Variants in ZFP90 observed in about 807,000 individuals in gnomAD.
ZFP90 encodes ZFP90 zinc finger protein, also known as zinc finger protein 90 homolog.
In ZFP90, 38 loss-of-function variants were observed where a neutral mutation model predicts 60.8. The observed-to-expected ratio is 0.62, with a 90% CI of 0.48 to 0.82. The LOEUF (loss-of-function observed/expected upper bound fraction) is 0.82. Ranked by LOEUF, ZFP90 falls within the 40% of genes least tolerant of loss-of-function variation. ZFP90 has a pLI of 0.00. For missense variants in ZFP90, 711 were observed against 759.1 expected (o/e 0.94, Z 0.74); for synonymous variants, 287 against 264.8 (o/e 1.08, Z -0.82).
intron 3 of ZFP90, 99 bp downstream of exon 3, chr16:68,558,223 G>T: frequency 6.5e-7 from 1 of 1,531,636 alleles, no homozygotes; most frequent in Non-Finnish European, 8.9e-7. Flanking sequence ...TGTGACCAGG[G>T]TGCTCAGGGG....
At chr16:68,549,492 A>G (rs1188482231) in intron 2 of ZFP90, among the ~76,000 whole-genome samples, 3 of 152,012 alleles carry the variant, frequency 2.0e-5, no homozygotes, top group East Asian at 1.9e-4. Flanking sequence ...CCTGGCTAAC[A>G]TGGTGAAACC....
At chr16:68,535,067 C>G (rs1375028626), upstream of ZFP90, among the ~76,000 whole-genome samples, 1 of 152,124 alleles carries the variant, frequency 6.6e-6, no homozygotes, top group Non-Finnish European at 1.5e-5. Flanking sequence ...GTTTGTGATT[C>G]ATGGCTGTGA....
At chr16:68,560,537 T>TTGATTTTGTTTGTTTGTTTA (rs149308667) in intron 4 of ZFP90, among the ~76,000 whole-genome samples, 84 of 147,228 alleles carry the variant, frequency 5.7e-4, no homozygotes, top group African/African-American at 1.7e-3. Flanking sequence ...CCACACTGGA[T>TTGATTTTGTTTGTTTGTTTA]TTTATTTATT....
At chr16:68,533,552 C>A (rs1415704131) in intron 1 of ZFP90, 2 of 152,238 alleles carry the variant, frequency 1.3e-5, no homozygotes, top group Non-Finnish European at 2.9e-5. Context: ...AGACACCCAA[C>A]TTTAATGAGT....
intron 2 of ZFP90, among the ~76,000 whole-genome samples, chr16:68,573,364 GCA>G (rs1322653764): frequency 1.3e-5 from 2 of 152,206 alleles, no homozygotes; most frequent in African/African-American, 4.8e-5. Context: ...AGGTGCAGTG[GCA>G]CACTTAAAAT....
upstream of ZFP90, among the ~76,000 whole-genome samples, chr16:68,536,041 G>A (rs375138730): frequency 1.5e-4 from 23 of 152,234 alleles, no homozygotes; most frequent in African/African-American, 4.6e-4. Flanking sequence ...TGTGAACTGC[G>A]CACCTTTCCC....
At chr16:68,570,788 CT>C (rs924644923), downstream of ZFP90, among the ~76,000 whole-genome samples, 11 of 151,020 alleles carry the variant, frequency 7.3e-5, no homozygotes, top group African/African-American at 2.2e-4. Flanking sequence ...CACAGTGACC[CT>C]TTTTTTTTCA....
intron 3 of ZFP90, 52 bp from the exon 4 acceptor site, chr16:68,558,421 T>C (rs2091382098): frequency 6.5e-7 from 1 of 1,549,470 alleles, no homozygotes. Flanking sequence ...TTAGGAGGGT[T>C]CTTTGTCCAC....
intron 1 of ZFP90, 78 bp from the exon 2 acceptor site, chr16:68,539,680 G>T: frequency 8.4e-7 from 1 of 1,193,374 alleles, no homozygotes; most frequent in Non-Finnish European, 1.1e-6. Flanking sequence ...TGTGGTTTAG[G>T]GGCGGAGGTG....
chr16:68,538,121 A>G (rs912844551), upstream of ZFP90, among the ~76,000 whole-genome samples: 3 of 152,078 alleles, frequency 2.0e-5, no homozygotes, highest in Non-Finnish European at 2.9e-5. Flanking sequence ...CATGTTGGTC[A>G]GGCTGGTCTC....
Position 68,563,825 on chromosome 16 carries a change from C to T in ZFP90, c.1038C>T (p.Ser346=), listed in dbSNP as rs750584897. 6.2e-7 allele frequency: 1 copy of T among 1,613,816 alleles called. No individual in the cohort carries two copies. Among genetic ancestry groups the T allele is most frequent in the Non-Finnish European group, 8.5e-7 (1 of 1,179,970 alleles). ...ATCGATGTAATCTATGTGGGAGGTC[C>T]TTTAGGCATGGCACATCCCTCACTC... ...KPYRCNLCGR[S]FRHGTSLTQH... is the part of the protein sequence containing the mutation. The change falls in exon 5 of 5, where the codon TCC becomes TCT. Residue 346 remains serine (S), a synonymous_variant. Transcript: ENST00000563169.
intron 2 of ZFP90, among the ~76,000 whole-genome samples, chr16:68,541,271 C>G (rs1225919927): frequency 5.3e-5 from 8 of 152,166 alleles, no homozygotes; most frequent in African/African-American, 1.2e-4. Flanking sequence ...CTCCTGACGT[C>G]AATTGATCCG....
chr16:68,556,817 C>T (rs889907640), intron 2 of ZFP90, among the ~76,000 whole-genome samples: 13 of 152,118 alleles, frequency 8.5e-5, no homozygotes, highest in Non-Finnish European at 1.5e-4. Context: ...GCTAAGACAG[C>T]CTTCCCGAGG....
intron 2 of ZFP90, among the ~76,000 whole-genome samples, chr16:68,548,032 G>A (rs993280358): frequency 2.0e-5 from 3 of 152,048 alleles, no homozygotes; most frequent in South Asian, 2.1e-4. Flanking sequence ...TCACCATGTC[G>A]GTCAGGCTGG....
chr16:68,542,057 T>G (rs2091059638), intron 2 of ZFP90, among the ~76,000 whole-genome samples: 1 of 152,164 alleles, frequency 6.6e-6, no homozygotes, highest in African/African-American at 2.4e-5. Context: ...GGCAGAAATT[T>G]CCCTTTAGCA....
At chr16:68,538,989 C>T (rs1300742021), upstream of ZFP90, among the ~76,000 whole-genome samples, 1 of 152,192 alleles carries the variant, frequency 6.6e-6, no homozygotes, top group Non-Finnish European at 1.5e-5. Flanking sequence ...GACATGTTTG[C>T]GTTTTTATCG....
At chr16:68,546,994 G>A (rs2091163384) in intron 2 of ZFP90, among the ~76,000 whole-genome samples, 2 of 152,206 alleles carry the variant, frequency 1.3e-5, no homozygotes, top group African/African-American at 4.8e-5. Context: ...TCCATTGATA[G>A]ACACTTGCTT....
downstream of ZFP90, among the ~76,000 whole-genome samples, chr16:68,569,853 G>C (rs1177647): frequency 0.51 from 77,171 of 152,014 alleles, 21,602 homozygotes; most frequent in East Asian, 0.76. Flanking sequence ...CATTCTTTCT[G>C]TTGCTATGGT....
intron 4 of ZFP90, 179 bp from the exon 5 acceptor site, chr16:68,562,865 C>T: frequency 2.2e-6 from 3 of 1,379,132 alleles, no homozygotes; most frequent in Non-Finnish European, 3.0e-6. Context: ...TCTGAATCTG[C>T]AGTCTTTGCT....
Sources: allele counts gnomAD v4.1 joint callset (sites outside exome capture counted in the v4.1 genomes callset), GRCh38; gene constraint gnomAD v4.1.1; transcripts MANE v1.5; gene names NCBI Gene and HGNC (gene_info 2026-07-23, HGNC 2026-07-21).